Variants in ADGRL3 observed in about 807,000 individuals in gnomAD.
ADGRL3 encodes calcium-independent alpha-latrotoxin receptor 3.
In ADGRL3, 62 loss-of-function variants were observed where a neutral mutation model predicts 153.5. The observed-to-expected ratio is 0.40, with a 90% CI of 0.33 to 0.50. ADGRL3 has a LOEUF of 0.50. Ranked by LOEUF, ADGRL3 falls within the 20% of genes least tolerant of loss-of-function variation. The pLI, the probability that ADGRL3 is intolerant of heterozygous loss-of-function variation, is 0.47. For synonymous variants in ADGRL3, 710 were observed against 672.5 expected, an observed-to-expected ratio of 1.06 and a Z score of -0.86; for missense variants, 1,641 against 1,859.4, an observed-to-expected ratio of 0.88 and a Z score of 2.16.
chr4:61,546,380 T>C (rs2098714061), intron 4 of ADGRL3, among the ~76,000 whole-genome samples: 1 of 152,210 alleles, frequency 6.6e-6, no homozygotes, highest in Admixed American at 6.5e-5. Context: ...TCAGGAATTT[T>C]GCAAGCCAGT....
chr4:61,376,480 C>A, intron 1 of ADGRL3, among the ~76,000 whole-genome samples: 1 of 151,964 alleles, frequency 6.6e-6, no homozygotes, highest in Non-Finnish European at 1.5e-5. Context: ...TCTTCCTGGA[C>A]GCCCACCAAG....
Position 61,845,682 on chromosome 4 carries a change from A to G in ADGRL3, c.1480+31793A>G, listed in dbSNP as rs142722126. 5.0e-4 allele frequency among the ~76,000 whole-genome samples: 76 copies of G among 151,902 alleles called. No individual in the cohort carries two copies. The East Asian group carries it at 0.013, about 27-fold the overall frequency. On this transcript the variant is annotated intron_variant, in intron 9 of 26. Coordinates refer to ENST00000683033, the MANE Select transcript of ADGRL3 (RefSeq NM_001387552.1). Reference sequence around the variant, plus strand: ...CACCCAGCCTCCCTCTCTTTTATTAACAATTATATAGTTCTCTACTAAGTT... The same window carrying G: ...CACCCAGCCTCCCTCTCTTTTATTAGCAATTATATAGTTCTCTACTAAGTT...
intron 5 of ADGRL3, among the ~76,000 whole-genome samples, chr4:61,647,772 G>A (rs1394602470): frequency 1.3e-5 from 2 of 152,008 alleles, no homozygotes; most frequent in East Asian, 1.9e-4. Context: ...GTAAAAAATT[G>A]TATAAGAAAT....
In ADGRL3 at chr4:61,732,921, A is replaced by G. The variant is rs1305792317; in HGVS notation, c.766A>G (p.Lys256Glu). ...TGATACCCTGACTGAGTATTCATCC[A>G]AGGATGACTTCATTGCTGGAAGACC... Reference protein sequence around the residue: ...RTDTLTEYSSKDDFIAGRPTT... With the variant: ...RTDTLTEYSSEDDFIAGRPTT... Residue 256 changes from lysine to glutamate, a missense_variant, in exon 8 of 27, where the codon AAG becomes GAG. Coordinates refer to ENST00000683033, the MANE Select transcript of ADGRL3 (RefSeq NM_001387552.1). The G allele has an allele frequency of 1.2e-6, 2 of 1,613,574 alleles. No homozygotes were observed. Among genetic ancestry groups the G allele is most frequent in the African/African-American group, 1.3e-5 (1 of 74,874 alleles).
intron 8 of ADGRL3, among the ~76,000 whole-genome samples, chr4:61,811,066 G>A (rs1029654467): frequency 3.9e-5 from 6 of 152,002 alleles, no homozygotes; most frequent in Non-Finnish European, 8.8e-5. Context: ...CAGCCTCTTC[G>A]GAAATCAGTC....
At chr4:61,708,348 G>T (rs2095892202) in intron 6 of ADGRL3, among the ~76,000 whole-genome samples, 1 of 151,394 alleles carries the variant, frequency 6.6e-6, no homozygotes, top group Non-Finnish European at 1.5e-5. Context: ...TACGTTTTTT[G>T]GTTTTTGTGT....
At chr4:61,337,685 G>C (rs899554083) in intron 1 of ADGRL3, among the ~76,000 whole-genome samples, 1 of 152,194 alleles carries the variant, frequency 6.6e-6, no homozygotes, top group African/African-American at 2.4e-5. Context: ...AGCACTTGCT[G>C]TGTGTTATGC....
intron 12 of ADGRL3, 61 bp from the exon 13 acceptor site, chr4:61,912,658 T>C (rs2098727064): frequency 7.0e-7 from 1 of 1,437,932 alleles, no homozygotes; most frequent in Non-Finnish European, 9.7e-7. Context: ...TTTCTTGTTT[T>C]CTTCTGTCAC....
chr4:61,263,260 A>C (rs2092652708), intron 1 of ADGRL3, among the ~76,000 whole-genome samples: 1 of 151,920 alleles, frequency 6.6e-6, no homozygotes, highest in Non-Finnish European at 1.5e-5. Context: ...AATATGTAAA[A>C]TATTTTAATA....
intron 11 of ADGRL3, among the ~76,000 whole-genome samples, chr4:61,900,770 C>T (rs1029178534): frequency 6.6e-6 from 1 of 152,048 alleles, no homozygotes; most frequent in African/African-American, 2.4e-5. Context: ...TAAATAGATA[C>T]ATATCTATAT....
At position 61,384,711 on chromosome 4, in the gene ADGRL3, T is replaced by A. The variant is rs1578564397; in HGVS notation, c.-174+1522T>A. Among the ~76,000 whole-genome samples the A allele has an allele frequency of 2.0e-5, 3 of 152,052 alleles. No homozygotes were observed. The South Asian group carries it at 6.2e-4, about 31-fold the overall frequency. On this transcript the variant is annotated intron_variant, in intron 2 of 26. Coordinates refer to ENST00000683033, the MANE Select transcript of ADGRL3 (RefSeq NM_001387552.1). Reference sequence around the variant, plus strand: ...AATCTTTCTCTTTTCTACTTTTTTTTAATCAGCACTCCAGTAGAAGCTAAT... The same window carrying A: ...AATCTTTCTCTTTTCTACTTTTTTTAAATCAGCACTCCAGTAGAAGCTAAT...
At chr4:62,068,570 A>G (rs1167733608) in intron 26 of ADGRL3, among the ~76,000 whole-genome samples, 1 of 152,154 alleles carries the variant, frequency 6.6e-6, no homozygotes, top group African/African-American at 2.4e-5. Flanking sequence ...TACCTAATGC[A>G]TTGACAAACC....
chr4:61,336,835 A>G (rs2095686542), intron 1 of ADGRL3, among the ~76,000 whole-genome samples: 1 of 138,514 alleles, frequency 7.2e-6, no homozygotes, highest in African/African-American at 2.6e-5. Flanking sequence ...CATCCTTTGT[A>G]TTTCTTAGTT....
chr4:61,669,990 C>T (rs2094936829), intron 5 of ADGRL3, among the ~76,000 whole-genome samples: 1 of 152,158 alleles, frequency 6.6e-6, no homozygotes, highest in East Asian at 1.9e-4. Flanking sequence ...GTAAACACTA[C>T]AATATTTCAC....
chr4:61,229,562 G>A (rs1490187771), intron 1 of ADGRL3, among the ~76,000 whole-genome samples: 2 of 150,988 alleles, frequency 1.3e-5, no homozygotes, highest in Non-Finnish European at 2.9e-5. Flanking sequence ...ATCCTGTATT[G>A]GGTATCTTTA....
At chr4:61,861,453 G>A (rs2098339141) in intron 9 of ADGRL3, among the ~76,000 whole-genome samples, 6 of 152,022 alleles carry the variant, frequency 3.9e-5, no homozygotes, top group Admixed American at 3.9e-4. Context: ...ATTAAACCAA[G>A]AAATAGTATG....
chr4:61,899,706 A>C (rs1239023553), intron 11 of ADGRL3, among the ~76,000 whole-genome samples: 1 of 152,180 alleles, frequency 6.6e-6, no homozygotes, highest in Non-Finnish European at 1.5e-5. Context: ...TATAAACAAC[A>C]GAAGTATATT....
intron 2 of ADGRL3, among the ~76,000 whole-genome samples, chr4:61,403,402 C>T (rs75383159): frequency 0.026 from 4,002 of 152,004 alleles, 209 homozygotes; most frequent in African/African-American, 0.091. Flanking sequence ...ACCATTTGCT[C>T]ATGATTTAAC....
At chr4:61,774,640 A>C (rs538578910) in intron 8 of ADGRL3, among the ~76,000 whole-genome samples, 1 of 152,282 alleles carries the variant, frequency 6.6e-6, no homozygotes, top group South Asian at 2.1e-4. Context: ...ATGTGGATAC[A>C]GAAAGATGAC....
Sources: gnomAD v4.1 joint callset for allele counts (sites outside exome capture counted in the v4.1 genomes callset) on GRCh38, gnomAD v4.1.1 for gene constraint, MANE v1.5 for transcripts, NCBI Gene and HGNC (gene_info 2026-07-23, HGNC 2026-07-21) for gene names.